Variants in MGLL observed in about 807,000 individuals in gnomAD.
The protein encoded by MGLL is lysophospholipase homolog.
MGLL carries 7 observed loss-of-function variants against 29.1 expected under a neutral mutation model. The ratio of observed to expected loss-of-function variants is 0.24; its 90% CI spans 0.14 to 0.45. The LOEUF (loss-of-function observed/expected upper bound fraction) is 0.45. Among genes scored for constraint, MGLL ranks in the 20% least tolerant of loss-of-function variants. The pLI is 0.99. For synonymous variants in MGLL, 148 were observed against 168.3 expected (o/e 0.88, Z 0.93); for missense variants, 356 against 413.6 (o/e 0.86, Z 1.21).
At chr3:127,752,589 C>T (rs534665607) in intron 3 of MGLL, among the ~76,000 whole-genome samples, 1 of 152,148 alleles carries the variant, frequency 6.6e-6, no homozygotes, top group African/African-American at 2.4e-5. Context: ...TGAGTTGTTC[C>T]CAACTTTTCA....
chr3:127,726,190 A>AAAGAAAAGAAAG (rs1553758469), intron 3 of MGLL, among the ~76,000 whole-genome samples: 3 of 74,274 alleles, frequency 4.0e-5, no homozygotes, highest in Non-Finnish European at 8.5e-5. Context: ...GAAAGAAAAG[A>AAAGAAAAGAAAG]AAAGAAAGAA....
At chr3:127,719,653 G>A (rs566072577) in intron 5 of MGLL, among the ~76,000 whole-genome samples, 11 of 152,258 alleles carry the variant, frequency 7.2e-5, no homozygotes, top group African/African-American at 2.2e-4. Context: ...CCATAGTCAC[G>A]GGAGATGTTG....
chr3:127,730,736 C>T (rs1246350110), intron 3 of MGLL, among the ~76,000 whole-genome samples: 1 of 152,222 alleles, frequency 6.6e-6, no homozygotes, highest in East Asian at 1.9e-4. Context: ...CCTCTAGCAC[C>T]ATCCCCCACC....
In MGLL at chr3:127,695,013, G is replaced by A; in HGVS notation, c.778C>T (p.Leu260Phe). The A allele has an allele frequency of 6.2e-7, 1 of 1,614,060 alleles. No homozygotes were observed. Among genetic ancestry groups the A allele is most frequent in the Non-Finnish European group, 8.5e-7 (1 of 1,180,016 alleles). Reference protein sequence around the residue: ...RLCDSKGAYLLMELAKSQDKT... With the variant: ...RLCDSKGAYLFMELAKSQDKT... ...TCCTGGCTCTTGGCTAACTCCATGA[G>A]CAGGTAGGCCCCTTTGCTGTCACAT... is the stretch of plus-strand genomic sequence containing the variant. The change falls in exon 7 of 8, where the codon CTC becomes TTC. Residue 260 changes from leucine to phenylalanine, a missense_variant. Leu to Phe is a conservative substitution (Grantham distance 22). Coordinates refer to ENST00000265052, the MANE Select transcript of MGLL (RefSeq NM_007283.7).
Position 127,710,591 on chromosome 3 carries a change from A to C in MGLL, c.585T>G (p.Ser195=), listed in dbSNP as rs2075690917. Residue 195 remains serine (S), a synonymous_variant, in exon 6 of 8, where the codon TCT becomes TCG. Transcript: ENST00000265052. ...AGCCTCTCACCTCTGTCTTATTCCG[A>C]GAGAGCACGCTGGAGTCGATGGGCC... ...SLGPIDSSVL[S]RNKTEVDIYN... is the part of the protein sequence containing the mutation. 28 of 1,564,080 alleles carry C rather than the reference A, an allele frequency of 1.8e-5. No homozygotes were observed. Among genetic ancestry groups the C allele is most frequent in the Non-Finnish European group, 2.4e-5 (28 of 1,153,168 alleles).
At chr3:127,802,069 G>C (rs2077488232) in intron 2 of MGLL, among the ~76,000 whole-genome samples, 1 of 152,154 alleles carries the variant, frequency 6.6e-6, no homozygotes, top group African/African-American at 2.4e-5. Context: ...TTCCAGTCTA[G>C]TGTGGACCCA....
intron 2 of MGLL, among the ~76,000 whole-genome samples, chr3:127,816,585 AG>A (rs894990602): frequency 1.1e-4 from 16 of 152,176 alleles, no homozygotes; most frequent in Non-Finnish European, 1.3e-4. Context: ...GGACGCAAGA[AG>A]GGGGGATGTT....
chr3:127,751,363 C>T (rs56264604), intron 3 of MGLL, among the ~76,000 whole-genome samples: 73 of 151,658 alleles, frequency 4.8e-4, no homozygotes, highest in Middle Eastern at 3.4e-3. Context: ...ATGTGTGCCA[C>T]GCCTGAGCCT....
chr3:127,723,760 C>T (rs1213505293), intron 3 of MGLL, among the ~76,000 whole-genome samples: 2 of 152,226 alleles, frequency 1.3e-5, no homozygotes, highest in African/African-American at 2.4e-5. Flanking sequence ...CATTATTGTG[C>T]AACCCTGTAC....
chr3:127,807,133 G>T lies in MGLL; in HGVS notation c.155+14561C>A, dbSNP rs1040470101. On this transcript the variant is annotated intron_variant, in intron 2 of 7. Coordinates refer to ENST00000265052, the MANE Select transcript of MGLL (RefSeq NM_007283.7). The stretch of plus-strand genomic sequence containing the variant: ...ATCTGGGCCTGGGTTTTTCTTTGTT[G>T]GTAGTTTTTTTAGTTTTGGTTTTGT... 5.3e-5 allele frequency among the ~76,000 whole-genome samples: 8 copies of T among 152,104 alleles called. No individual in the cohort carries two copies. In the East Asian group the frequency reaches 1.2e-3, roughly 22 times the overall value.
At chr3:127,768,078 G>T (rs979529767) in intron 3 of MGLL, among the ~76,000 whole-genome samples, 2 of 152,114 alleles carry the variant, frequency 1.3e-5, no homozygotes. Flanking sequence ...CAAACTCCTT[G>T]AAAAACACTA....
intron 3 of MGLL, among the ~76,000 whole-genome samples, chr3:127,748,216 G>T (rs1013214238): frequency 1.3e-5 from 2 of 152,104 alleles, no homozygotes; most frequent in Non-Finnish European, 2.9e-5. Context: ...GACTAGGGTG[G>T]CCTCCTCTCC....
At chr3:127,693,508 T>C (rs565796140) in intron 7 of MGLL, among the ~76,000 whole-genome samples, 2 of 152,276 alleles carry the variant, frequency 1.3e-5, no homozygotes, top group East Asian at 1.9e-4. Context: ...GCTCTTCTTA[T>C]GGCTGCGTGC....
At chr3:127,802,171 C>T (rs546749688) in intron 2 of MGLL, among the ~76,000 whole-genome samples, 290 of 152,300 alleles carry the variant, frequency 1.9e-3, no homozygotes, top group Non-Finnish European at 3.4e-3. Flanking sequence ...CCGCTCCATA[C>T]CACACAGCAC....
chr3:127,806,432 G>A (rs1365027775), intron 2 of MGLL, among the ~76,000 whole-genome samples: 1 of 152,076 alleles, frequency 6.6e-6, no homozygotes, highest in African/African-American at 2.4e-5. Context: ...TGGATGGGTG[G>A]ATTGGTGAAT....
intron 5 of MGLL, among the ~76,000 whole-genome samples, chr3:127,719,525 G>A (rs1372016939): frequency 6.6e-6 from 1 of 152,260 alleles, no homozygotes; most frequent in Admixed American, 6.5e-5. Context: ...GGAGAGCACA[G>A]TGCATGCCTG....
intron 2 of MGLL, among the ~76,000 whole-genome samples, chr3:127,785,226 C>T (rs2077192993): frequency 6.6e-6 from 1 of 152,148 alleles, no homozygotes; most frequent in African/African-American, 2.4e-5. Context: ...CAGGTGGAGC[C>T]ACTGTTGCCG....
intron 2 of MGLL, among the ~76,000 whole-genome samples, chr3:127,810,539 T>C (rs2077644655): frequency 6.7e-6 from 1 of 148,322 alleles, no homozygotes; most frequent in Non-Finnish European, 1.5e-5. Context: ...CCCTCTGAAA[T>C]CCCAACACAG....
In MGLL at chr3:127,692,037, T is replaced by A. The variant is rs1174588020; in HGVS notation, c.*161A>T. The A allele has an allele frequency of 2.0e-6, 2 of 1,002,244 alleles. No individual in the cohort carries two copies. Among genetic ancestry groups the A allele is most frequent in the Non-Finnish European group, 2.9e-6 (2 of 697,152 alleles). 62.1% of individuals were successfully genotyped at this position (1,002,244 alleles called of 1,614,324 possible). Reference sequence around the variant, plus strand: ...GTCCAGTGTCTGATAGTCTAATGTATAACAAAAATGTCTGTTATTTTTTAG... The same window carrying A: ...GTCCAGTGTCTGATAGTCTAATGTAAAACAAAAATGTCTGTTATTTTTTAG... On this transcript the variant is annotated 3_prime_UTR_variant, in exon 8 of 8. Coordinates refer to ENST00000265052, the MANE Select transcript of MGLL (RefSeq NM_007283.7).
Sources: allele counts gnomAD v4.1 joint callset (sites outside exome capture counted in the v4.1 genomes callset), GRCh38; gene constraint gnomAD v4.1.1; transcripts MANE v1.5; gene names NCBI Gene and HGNC (gene_info 2026-07-23, HGNC 2026-07-21).